NADK: variants seen among roughly 807,000 people sequenced by gnomAD.
NADK encodes NAD kinase.
A neutral mutation model predicts 49.8 loss-of-function variants in NADK; 22 were observed. The ratio of observed to expected loss-of-function variants is 0.44; its 90% CI spans 0.32 to 0.63. The LOEUF (loss-of-function observed/expected upper bound fraction) is 0.63. Among genes scored for constraint, NADK ranks in the 30% least tolerant of loss-of-function variants. The probability of loss-of-function intolerance (pLI) is 0.06; values close to 1 mark genes in which losing one functional copy is unlikely to be tolerated. For missense variants in NADK, 438 were observed against 609.4 expected, an observed-to-expected ratio of 0.72 and a Z score of 2.96; for synonymous variants, 268 against 253.7, an observed-to-expected ratio of 1.06 and a Z score of -0.54.
chr1:1,763,267 G>A (rs922161356), intron 2 of NADK, among the ~76,000 whole-genome samples: 21 of 151,792 alleles, frequency 1.4e-4, no homozygotes, highest in Non-Finnish European at 2.6e-4. Flanking sequence ...GGCGGATCAC[G>A]AGGCAGGAGA....
chr1:1,770,016 A>C (rs1332569471), intron 1 of NADK, among the ~76,000 whole-genome samples: 3 of 145,212 alleles, frequency 2.1e-5, no homozygotes, highest in African/African-American at 7.7e-5. Flanking sequence ...AAAACAAAAA[A>C]ATTAGCCTGG....
chr1:1,773,082 T>A (rs1646099037), intron 1 of NADK, among the ~76,000 whole-genome samples: 1 of 150,952 alleles, frequency 6.6e-6, no homozygotes, highest in African/African-American at 2.4e-5. Flanking sequence ...AGGGAGCTGG[T>A]GAAGGGCACA....
chr1:1,762,248 C>T (rs886875777), intron 2 of NADK, among the ~76,000 whole-genome samples: 2 of 152,232 alleles, frequency 1.3e-5, no homozygotes, highest in African/African-American at 2.4e-5. Flanking sequence ...CGCATGCCCA[C>T]GCGCCGCTCA....
At position 1,755,424 on chromosome 1, in the gene NADK, G is replaced by A. The variant is rs745827627; in HGVS notation, c.638C>T (p.Thr213Ile). The A allele has an allele frequency of 6.2e-7, 1 of 1,614,120 alleles. No individual in the cohort carries two copies. Among genetic ancestry groups the A allele is most frequent in the Admixed American group, 1.7e-5 (1 of 60,022 alleles). Residue 213 changes from threonine (T) to isoleucine (I), a missense_variant, in exon 7 of 12, where the codon ACC becomes ATC. By Grantham distance (89) the Thr-to-Ile change is moderately conservative (BLOSUM62 -1). Transcript: ENST00000341426. The part of the protein sequence containing the change: ...AFHLGSLGFL[T>I]PFSFENFQSQ... ...CTGAAAGTTCTCAAAGCTGAATGGG[G>A]TCAGGAAGCCCAGGGAGCCCAGGTG...
chr1:1,774,578 G>A (rs1420437243), intron 1 of NADK, among the ~76,000 whole-genome samples: 3 of 152,026 alleles, frequency 2.0e-5, no homozygotes, highest in Non-Finnish European at 4.4e-5. Context: ...GCCTCCCACA[G>A]TGCTGGGATT....
At chr1:1,769,846 G>C (rs1645995306) in intron 1 of NADK, among the ~76,000 whole-genome samples, 1 of 152,162 alleles carries the variant, frequency 6.6e-6, no homozygotes. Context: ...GGAAGCCGAG[G>C]TGGGTGGATC....
At chr1:1,757,456 G>A in intron 3 of NADK, 146 bp from the exon 4 acceptor site, 1 of 687,080 alleles carries the variant, frequency 1.5e-6, no homozygotes, top group Non-Finnish European at 2.4e-6. Flanking sequence ...GGCTCACAGG[G>A]CCTAGGGTCG....
At chr1:1,760,605 TG>T (rs779121130) in intron 3 of NADK, among the ~76,000 whole-genome samples, 2 of 152,106 alleles carry the variant, frequency 1.3e-5, no homozygotes, top group Non-Finnish European at 2.9e-5. Flanking sequence ...GCCTGCGCGC[TG>T]GAACACTCGG....
chr1:1,754,315 G>A lies in NADK; in HGVS notation c.912C>T (p.Asp304=), dbSNP rs150664652. The stretch of plus-strand genomic sequence containing the variant: ...CCTGCACCGTGGTGATGAGGTGTCC[G>A]TCCAGGTAGACATCCACATTGGACA... ...SYLSNVDVYL[D]GHLITTVQGD... Residue 304 remains aspartate, a synonymous_variant, in exon 9 of 12, where the codon GAC becomes GAT. Coordinates refer to ENST00000341426, the MANE Select transcript of NADK (RefSeq NM_023018.5). This position sits in a 1 kb window ranked among gnomAD's most constrained non-coding sequence, Gnocchi z 4.3. 100 of 1,613,740 alleles carry A rather than the reference G, an allele frequency of 6.2e-5. No homozygotes were observed. The highest frequency in any genetic ancestry group is 7.7e-5 in the Non-Finnish European group (91 of 1,179,958).
intron 7 of NADK, 71 bp downstream of exon 7, chr1:1,755,303 C>A: frequency 1.9e-6 from 2 of 1,062,486 alleles, no homozygotes; most frequent in Non-Finnish European, 1.4e-6. Flanking sequence ...TGAAAATAAA[C>A]CCCCCGCAAG....
chr1:1,765,843 GA>G (rs1645869403), intron 1 of NADK, among the ~76,000 whole-genome samples: 1 of 152,178 alleles, frequency 6.6e-6, no homozygotes, highest in Non-Finnish European at 1.5e-5. Flanking sequence ...CCAGGAGGTG[GA>G]GGCTGCAGTA....
At position 1,754,473 on chromosome 1, in the gene NADK, A is replaced by C; in HGVS notation, c.843+71T>G. On this transcript the variant is annotated intron_variant, in intron 8 of 11. Transcript: ENST00000341426. The surrounding 1 kb of genome is among the most constrained non-coding windows in gnomAD (Gnocchi z 4.3). ...GTCTCACCCAGCCGGGCTCTCCGGA[A>C]GGTCCTCATCCCTGGGACCGAAGTC... 2.5e-6 allele frequency: 4 copies of C among 1,602,196 alleles called. No individual in the cohort carries two copies. Among genetic ancestry groups the C allele is most frequent in the Non-Finnish European group, 3.4e-6 (4 of 1,172,176 alleles).
intron 6 of NADK, 125 bp downstream of exon 6, chr1:1,756,133 G>GGCC: frequency 1.1e-6 from 1 of 924,406 alleles, no homozygotes; most frequent in Non-Finnish European, 1.7e-6. Context: ...CCTCAGTGCT[G>GGCC]GCCGCTCTAG....
Position 1,754,187 on chromosome 1 carries a change from G to A in NADK, c.965C>T (p.Thr322Met), listed in dbSNP as rs2100273200. Residue 322 changes from threonine to methionine, a missense_variant, in exon 10 of 12, where the codon ACG becomes ATG. By Grantham distance (81) the Thr-to-Met change is moderately conservative (BLOSUM62 -1). Transcript: ENST00000341426. This position sits in a 1 kb window ranked among gnomAD's most constrained non-coding sequence, Gnocchi z 4.3. The stretch of plus-strand genomic sequence containing the variant: ...CGCGGCCGCATACGCCGTGCTGCCC[G>A]TCGGGGTGGACACGATCACTCCTGA... ...QGDGVIVSTP[T>M]GSTAYAAAAG... The A allele has an allele frequency of 6.2e-7, 1 of 1,612,622 alleles. No homozygotes were observed. The highest frequency in any genetic ancestry group is 8.5e-7 in the Non-Finnish European group (1 of 1,179,780).
At chr1:1,757,155 GC>G in intron 4 of NADK, 25 bp downstream of exon 4, 2 of 1,299,200 alleles carry the variant, frequency 1.5e-6, no homozygotes, top group Admixed American at 2.2e-5. Context: ...TGCACCCCAG[GC>G]CCCCTTCCCC....
At chr1:1,764,882 C>T (rs965873271) in intron 2 of NADK, among the ~76,000 whole-genome samples, 1 of 152,212 alleles carries the variant, frequency 6.6e-6, no homozygotes, top group Non-Finnish European at 1.5e-5. Context: ...GCTTGGGGGA[C>T]AGAGCGAGAC....
chr1:1,754,784 G>A lies in NADK; in HGVS notation c.689-86C>T. The A allele has an allele frequency of 7.6e-7, 1 of 1,310,408 alleles. No homozygotes were observed. The highest frequency in any genetic ancestry group is 1.0e-6 in the Non-Finnish European group (1 of 956,866). The allele number at this position is 1,310,408 out of a possible 1,614,324, so 81.2% of individuals were successfully genotyped here. A position where few individuals can be genotyped will look rare whatever the true frequency, so the allele number is the denominator to read the frequency against. On this transcript the variant is annotated intron_variant, in intron 7 of 11. Coordinates refer to ENST00000341426, the MANE Select transcript of NADK (RefSeq NM_023018.5). The surrounding 1 kb of genome is among the most constrained non-coding windows in gnomAD (Gnocchi z 4.3). ...ACCCCAGGGAGGCCAGTGGGAGTCA[G>A]AGGGCTCTTTCTTCTCCCAAGTTGA...
At position 1,763,098 on chromosome 1, in the gene NADK, C is replaced by CA. The variant is rs536101143; in HGVS notation, c.180-1064dup. Among the ~76,000 whole-genome samples, 19 of 152,396 alleles carry CA rather than the reference C, an allele frequency of 1.2e-4. No individual in the cohort carries two copies. In the South Asian group the frequency reaches 3.7e-3, roughly 30 times the overall value. Reference sequence around the variant, plus strand: ...GCTGCCTCGCAGGGCCAGACAACCCCAGGAGAGCCGTGGTGCCCTGAGGGC... The same window carrying CA: ...GCTGCCTCGCAGGGCCAGACAACCCCAAGGAGAGCCGTGGTGCCCTGAGGGC... On this transcript the variant is annotated intron_variant, in intron 2 of 11. Coordinates refer to ENST00000341426, the MANE Select transcript of NADK (RefSeq NM_023018.5).
At chr1:1,755,789 C>T (rs1179597438) in intron 6 of NADK, among the ~76,000 whole-genome samples, 1 of 152,120 alleles carries the variant, frequency 6.6e-6, no homozygotes, top group African/African-American at 2.4e-5. Flanking sequence ...GCCTCGCGCC[C>T]CACAGGTGCT....
Sources: gnomAD v4.1 joint callset for allele counts (sites outside exome capture counted in the v4.1 genomes callset) on GRCh38, gnomAD v4.1.1 for gene constraint, Gnocchi (gnomAD v3.1) non-coding constraint, MANE v1.5 for transcripts, NCBI Gene and HGNC (gene_info 2026-07-23, HGNC 2026-07-21) for gene names.